DPYSL5: variants seen among roughly 807,000 people sequenced by gnomAD.
The protein encoded by DPYSL5 is dihydropyrimidinase-related protein 5.
DPYSL5 carries 9 observed loss-of-function variants against 58.4 expected under a neutral mutation model. The observed-to-expected ratio is 0.15, with a 90% CI of 0.09 to 0.27. The LOEUF (loss-of-function observed/expected upper bound fraction) is 0.27. Ranked by LOEUF, DPYSL5 falls within the 10% of genes least tolerant of loss-of-function variation. The probability of loss-of-function intolerance (pLI) is 1.00; values close to 1 mark genes in which losing one functional copy is unlikely to be tolerated. For missense variants in DPYSL5, 499 were observed against 770.6 expected (o/e 0.65, Z 4.17); for synonymous variants, 293 against 301.9 (o/e 0.97, Z 0.31).
intron 5 of DPYSL5, among the ~76,000 whole-genome samples, chr2:26,929,854 G>A (rs1376695822): frequency 6.6e-6 from 1 of 152,230 alleles, no homozygotes; most frequent in Non-Finnish European, 1.5e-5. Context: ...GCTCTAGAGG[G>A]ACCACATTAG....
intron 2 of DPYSL5, among the ~76,000 whole-genome samples, chr2:26,901,801 T>C (rs1244128220): frequency 9.4e-6 from 1 of 105,844 alleles, no homozygotes; most frequent in Non-Finnish European, 1.8e-5. Context: ...TAGCGTCTGC[T>C]TGTTGATTTG....
Position 26,888,445 on chromosome 2 carries a change from A to G in DPYSL5, c.-4-10051A>G, listed in dbSNP as rs181439461. Among the ~76,000 whole-genome samples, 38 of 151,900 alleles carry G rather than the reference A, an allele frequency of 2.5e-4. No individual in the cohort carries two copies. The East Asian group carries it at 5.0e-3, about 20-fold the overall frequency. ...GGCACCATGCCCAGCTAATTTTTGT[A>G]TTTTTGGTAGGGACGGGGGTTTCAC... On this transcript the variant is annotated intron_variant, in intron 1 of 12. Coordinates refer to ENST00000288699, the MANE Select transcript of DPYSL5 (RefSeq NM_020134.4).
intron 2 of DPYSL5, among the ~76,000 whole-genome samples, chr2:26,914,180 C>G (rs1337150451): frequency 1.3e-5 from 2 of 152,138 alleles, no homozygotes; most frequent in African/African-American, 4.8e-5. Context: ...GCTGGTCTCT[C>G]AAAAACTGAG....
At chr2:26,889,998 G>A (rs1446900878) in intron 1 of DPYSL5, among the ~76,000 whole-genome samples, 2 of 152,204 alleles carry the variant, frequency 1.3e-5, no homozygotes, top group South Asian at 4.1e-4. Context: ...GGGATTGGAC[G>A]GGGTTAGCAT....
rs554504410 is a variant in DPYSL5 at position 26,905,103 on chromosome 2, C to T, written c.261+6343C>T. Among the ~76,000 whole-genome samples the T allele has an allele frequency of 3.3e-5, 5 of 152,202 alleles. No homozygotes were observed. Among genetic ancestry groups the T allele is most frequent in the African/African-American group, 1.2e-4 (5 of 41,512 alleles). ...ATATTTCTCTTGCTATTCTGTGGCC[C>T]CAAATTTTGCTGGACCAGATGAGGG... On this transcript the variant is annotated intron_variant, in intron 2 of 12. Coordinates refer to ENST00000288699, the MANE Select transcript of DPYSL5 (RefSeq NM_020134.4). This position sits in a 1 kb window ranked among gnomAD's most constrained non-coding sequence, Gnocchi z 4.0.
Position 26,932,297 on chromosome 2 carries a change from G to A in DPYSL5, c.714+613G>A, listed in dbSNP as rs551067457. ...TGCCAGCACCATGTCTTGCCCACAG[G>A]AACCCAGAGCTGTTTGCTGACTGAG... On this transcript the variant is annotated intron_variant, in intron 6 of 12. Transcript: ENST00000288699. Among the ~76,000 whole-genome samples the A allele has an allele frequency of 2.0e-4, 30 of 152,268 alleles. No homozygotes were observed. In the South Asian group the frequency reaches 5.2e-3, roughly 26 times the overall value.
Position 26,925,133 on chromosome 2 carries a change from TG to T in DPYSL5, c.420+92del, listed in dbSNP as rs1664797716. 4.0e-6 allele frequency: 6 copies of T among 1,503,572 alleles called. No individual in the cohort carries two copies. In the Admixed American group the frequency reaches 1.2e-4, roughly 29 times the overall value. The allele number at this position is 1,503,572 out of a possible 1,614,324, so 93.1% of individuals were successfully genotyped here. On this transcript the variant is annotated intron_variant, in intron 3 of 12. Transcript: ENST00000288699. The surrounding 1 kb of genome is among the most constrained non-coding windows in gnomAD (Gnocchi z 4.5). ...TGGGGTGCAGTGCCTCCTGCTTGTG[TG>T]GGGCACCCCTCCCACTACCATCCTA...
chr2:26,933,393 G>T lies in DPYSL5; in HGVS notation c.790+60G>T. 1 of 1,528,460 alleles carries T rather than the reference G, an allele frequency of 6.5e-7. No homozygotes were observed. Among genetic ancestry groups the T allele is most frequent in the Non-Finnish European group, 9.0e-7 (1 of 1,106,190 alleles). The allele number at this position is 1,528,460 out of a possible 1,614,324, so 94.7% of individuals were successfully genotyped here. On this transcript the variant is annotated intron_variant, in intron 7 of 12. Transcript: ENST00000288699. This position sits in a 1 kb window ranked among gnomAD's most constrained non-coding sequence, Gnocchi z 4.2. ...AAGTGGAGGGACTGGAGATGGATGG[G>T]GCCCATTAGCCGTGCTCACTCCTGG...
At chr2:26,945,778 C>T (rs1650229541) in intron 12 of DPYSL5, among the ~76,000 whole-genome samples, 2 of 152,250 alleles carry the variant, frequency 1.3e-5, no homozygotes, top group South Asian at 4.1e-4. Context: ...GGTCCTTCCA[C>T]CCACAGCCTG....
At position 26,928,263 on chromosome 2, in the gene DPYSL5, G is replaced by A. The variant is rs762512654; in HGVS notation, c.609G>A (p.Lys203=). The A allele has an allele frequency of 6.2e-7, 1 of 1,613,982 alleles. No homozygotes were observed. The highest frequency in any genetic ancestry group is 8.5e-7 in the Non-Finnish European group (1 of 1,179,950). The change falls in exon 5 of 13, where the codon AAG becomes AAA. Residue 203 remains lysine (K), a synonymous_variant. Transcript: ENST00000288699. ...CTCTTGCTGTTATCCAGGGTGCTAA[G>A]GAGGCACTGGATTTGGGGATCACAG... The part of the protein sequence containing the change: ...ENGELVAEGA[K]EALDLGITGP...
chr2:26,875,707 G>T (rs576285057), intron 1 of DPYSL5, among the ~76,000 whole-genome samples: 24 of 152,312 alleles, frequency 1.6e-4, no homozygotes, highest in African/African-American at 3.8e-4. Flanking sequence ...GTGGCTGGGG[G>T]TGGGAAAGAG....
intron 2 of DPYSL5, among the ~76,000 whole-genome samples, chr2:26,921,880 G>C (rs1417347712): frequency 6.6e-6 from 1 of 152,094 alleles, no homozygotes; most frequent in Admixed American, 6.5e-5. Context: ...CAGGGGGCAC[G>C]TGGCTGCTCC....
At chr2:26,884,260 T>A (rs1179900034) in intron 1 of DPYSL5, among the ~76,000 whole-genome samples, 1 of 152,144 alleles carries the variant, frequency 6.6e-6, no homozygotes, top group East Asian at 1.9e-4. Context: ...GGAGTCCTTG[T>A]CTCCCATGTG....
intron 2 of DPYSL5, among the ~76,000 whole-genome samples, chr2:26,922,110 A>G (rs1462647935): frequency 6.6e-6 from 1 of 151,980 alleles, no homozygotes; most frequent in Non-Finnish European, 1.5e-5. Flanking sequence ...TTCCTAAACT[A>G]CACTCTGGGT....
intron 2 of DPYSL5, among the ~76,000 whole-genome samples, chr2:26,913,758 C>T (rs886758269): frequency 6.6e-6 from 1 of 152,146 alleles, no homozygotes; most frequent in Admixed American, 6.5e-5. Flanking sequence ...AGTGATGTCA[C>T]TTTTGCTAGC....
At chr2:26,863,471 G>A (rs1192742812) in intron 1 of DPYSL5, among the ~76,000 whole-genome samples, 2 of 152,208 alleles carry the variant, frequency 1.3e-5, no homozygotes, top group African/African-American at 4.8e-5. Context: ...CATACCCCTG[G>A]GAGCTTGTGG....
chr2:26,894,672 C>T (rs1463946270), intron 1 of DPYSL5, among the ~76,000 whole-genome samples: 1 of 152,190 alleles, frequency 6.6e-6, no homozygotes, highest in Non-Finnish European at 1.5e-5. Flanking sequence ...TCTTCACTCC[C>T]TGAAAAATAT....
chr2:26,903,462 C>G (rs1230998925), intron 2 of DPYSL5, among the ~76,000 whole-genome samples: 1 of 152,184 alleles, frequency 6.6e-6, no homozygotes, highest in Non-Finnish European at 1.5e-5. Flanking sequence ...AACAAAACCA[C>G]TTGGGGAATT....
At chr2:26,885,653 G>A (rs1313445514) in intron 1 of DPYSL5, among the ~76,000 whole-genome samples, 1 of 152,196 alleles carries the variant, frequency 6.6e-6, no homozygotes, top group African/African-American at 2.4e-5. Flanking sequence ...GGTGTCTCAT[G>A]GTGGATGTAA....
Sources: gnomAD v4.1 joint callset for allele counts (sites outside exome capture counted in the v4.1 genomes callset) on GRCh38, gnomAD v4.1.1 for gene constraint, Gnocchi (gnomAD v3.1) non-coding constraint, MANE v1.5 for transcripts, NCBI Gene and HGNC (gene_info 2026-07-23, HGNC 2026-07-21) for gene names.